GABRG3: variants seen among roughly 807,000 people sequenced by gnomAD.
GABRG3 encodes the protein gamma-aminobutyric acid type A receptor subunit gamma3.
In GABRG3, 25 loss-of-function variants were observed where a neutral mutation model predicts 48.8. The observed-to-expected ratio is 0.51, with a 90% CI of 0.37 to 0.72. GABRG3 has a LOEUF of 0.72. Among genes scored for constraint, GABRG3 ranks in the 30% least tolerant of loss-of-function variants. The pLI is 0.00. For synonymous variants in GABRG3, 227 were observed against 217.6 expected, an observed-to-expected ratio of 1.04 and a Z score of -0.38; for missense variants, 394 against 577.9, an observed-to-expected ratio of 0.68 and a Z score of 3.26.
At chr15:27,185,735 A>G (rs930974332) in intron 3 of GABRG3, among the ~76,000 whole-genome samples, 9 of 151,786 alleles carry the variant, frequency 5.9e-5, no homozygotes, top group Non-Finnish European at 1.3e-4. Context: ...TACATATTTG[A>G]GATTGTTATG....
intron 5 of GABRG3, among the ~76,000 whole-genome samples, chr15:27,341,402 A>C (rs955276367): frequency 2.0e-5 from 3 of 152,160 alleles, no homozygotes; most frequent in Admixed American, 2.0e-4. Context: ...TAAACTTTAA[A>C]AATCAAACTT....
At chr15:27,483,336 T>G (rs1354169499) in intron 6 of GABRG3, 3 of 152,234 alleles carry the variant, frequency 2.0e-5, no homozygotes, top group Non-Finnish European at 4.4e-5. Context: ...TTCTATTGTC[T>G]TCTCCCTGGA....
chr15:27,358,415 C>T (rs1380258088), intron 5 of GABRG3, among the ~76,000 whole-genome samples: 1 of 152,106 alleles, frequency 6.6e-6, no homozygotes, highest in Non-Finnish European at 1.5e-5. Flanking sequence ...TCCTTCCCAA[C>T]TCTAAGAAAC....
chr15:27,136,135 G>A (rs1898004508), intron 3 of GABRG3, among the ~76,000 whole-genome samples: 2 of 152,154 alleles, frequency 1.3e-5, no homozygotes, highest in Admixed American at 6.5e-5. Flanking sequence ...TTGAGCTCCA[G>A]CATGCCTTGT....
chr15:27,024,967 G>A (rs914961455), intron 2 of GABRG3, among the ~76,000 whole-genome samples: 27 of 148,438 alleles, frequency 1.8e-4, no homozygotes, highest in Non-Finnish European at 3.4e-4. Context: ...AGAGGTTGCC[G>A]TGAGCTGAGA....
chr15:27,297,502 A>G (rs1277757126), intron 3 of GABRG3, among the ~76,000 whole-genome samples: 1 of 152,214 alleles, frequency 6.6e-6, no homozygotes, highest in East Asian at 1.9e-4. Flanking sequence ...GTTTACATAT[A>G]CAAATACTTA....
chr15:27,070,958 C>T (rs980449956), intron 3 of GABRG3, among the ~76,000 whole-genome samples: 1 of 152,204 alleles, frequency 6.6e-6, no homozygotes, highest in Admixed American at 6.5e-5. Flanking sequence ...CCTCTCCAGC[C>T]TAAGGACCTC....
intron 3 of GABRG3, among the ~76,000 whole-genome samples, chr15:27,242,920 A>C (rs1482871976): frequency 1.3e-5 from 2 of 152,252 alleles, no homozygotes; most frequent in African/African-American, 4.8e-5. Context: ...AGAATCAATG[A>C]ATGAATTGAA....
At chr15:27,521,709 C>A (rs1891164427) in intron 7 of GABRG3, among the ~76,000 whole-genome samples, 1 of 151,888 alleles carries the variant, frequency 6.6e-6, no homozygotes, top group African/African-American at 2.4e-5. Flanking sequence ...TGTATAATAT[C>A]TTGATTGAAA....
chr15:27,246,768 C>T (rs543218420), intron 3 of GABRG3, among the ~76,000 whole-genome samples: 69 of 152,242 alleles, frequency 4.5e-4, no homozygotes, highest in African/African-American at 1.6e-3. Context: ...CAAGCAGTAA[C>T]TTGCGAGGAC....
intron 3 of GABRG3, among the ~76,000 whole-genome samples, chr15:27,166,729 T>A (rs571221246): frequency 1.3e-5 from 2 of 152,200 alleles, no homozygotes; most frequent in East Asian, 3.9e-4. Context: ...ACTCCACTTA[T>A]TATTACAAAT....
At chr15:27,089,440 A>T (rs565502406) in intron 3 of GABRG3, among the ~76,000 whole-genome samples, 1 of 152,266 alleles carries the variant, frequency 6.6e-6, no homozygotes, top group Admixed American at 6.5e-5. Flanking sequence ...TCTCTAGGGC[A>T]GGCTGGCATT....
intron 5 of GABRG3, among the ~76,000 whole-genome samples, chr15:27,341,355 A>T (rs932820895): frequency 6.6e-6 from 1 of 152,100 alleles, no homozygotes; most frequent in Admixed American, 6.6e-5. Context: ...ATAGTTTATG[A>T]TGCATGTATT....
At chr15:27,276,771 G>A (rs985136041) in intron 3 of GABRG3, among the ~76,000 whole-genome samples, 1 of 152,132 alleles carries the variant, frequency 6.6e-6, no homozygotes, top group Non-Finnish European at 1.5e-5. Flanking sequence ...TAAAGGGTAA[G>A]GAAAACATTT....
At chr15:27,062,817 T>C (rs1031072291) in intron 3 of GABRG3, among the ~76,000 whole-genome samples, 1 of 152,202 alleles carries the variant, frequency 6.6e-6, no homozygotes, top group African/African-American at 2.4e-5. Context: ...TTCACTGAAC[T>C]GTAAAGGATG....
chr15:27,209,345 T>C (rs1888991056), intron 3 of GABRG3, among the ~76,000 whole-genome samples: 1 of 146,358 alleles, frequency 6.8e-6, no homozygotes, highest in African/African-American at 2.6e-5. Flanking sequence ...TTTCTTTCTT[T>C]CTTTCCTTCC....
At chr15:27,515,161 C>T (rs1187170162) in intron 6 of GABRG3, among the ~76,000 whole-genome samples, 5 of 151,846 alleles carry the variant, frequency 3.3e-5, no homozygotes, top group Non-Finnish European at 5.9e-5. Flanking sequence ...AGATAGTTCT[C>T]GGCTCACTGC....
chr15:27,134,519 A>T (rs1038680990), intron 3 of GABRG3, among the ~76,000 whole-genome samples: 1 of 152,088 alleles, frequency 6.6e-6, no homozygotes, highest in Non-Finnish European at 1.5e-5. Flanking sequence ...CTGCAGTGTG[A>T]CACCCCACTG....
chr15:27,300,614 G>A (rs1319686589), intron 3 of GABRG3, among the ~76,000 whole-genome samples: 1 of 141,764 alleles, frequency 7.1e-6, no homozygotes, highest in African/African-American at 2.6e-5. Context: ...CCGAGATCAC[G>A]CCATTGCATT....
Sources: allele counts gnomAD v4.1 joint callset (sites outside exome capture counted in the v4.1 genomes callset), GRCh38; gene constraint gnomAD v4.1.1; transcripts MANE v1.5; gene names NCBI Gene and HGNC (gene_info 2026-07-23, HGNC 2026-07-21).